Variants in DLG2 observed in about 807,000 individuals in gnomAD.
DLG2 encodes the protein disks large homolog 2.
A neutral mutation model predicts 132.5 loss-of-function variants in DLG2; 45 were observed. The ratio of observed to expected loss-of-function variants is 0.34; its 90% CI spans 0.27 to 0.44. The LOEUF is 0.44. Among genes scored for constraint, DLG2 ranks in the 20% least tolerant of loss-of-function variants. The probability of loss-of-function intolerance (pLI) is 1.00; values close to 1 mark genes in which losing one functional copy is unlikely to be tolerated. For missense variants in DLG2, 1,045 were observed against 1,196.9 expected (o/e 0.87, Z 1.87); for synonymous variants, 424 against 419.6 (o/e 1.01, Z -0.13).
At chr11:84,452,694 C>T (rs543862589) in intron 7 of DLG2, among the ~76,000 whole-genome samples, 46 of 151,612 alleles carry the variant, frequency 3.0e-4, no homozygotes, top group African/African-American at 1.1e-3. Flanking sequence ...ACCTGATAAA[C>T]CAGAAAGGTC....
At chr11:84,576,773 T>G (rs949757569) in intron 6 of DLG2, among the ~76,000 whole-genome samples, 1 of 152,166 alleles carries the variant, frequency 6.6e-6, no homozygotes, top group South Asian at 2.1e-4. Context: ...AAAGAATCTA[T>G]GTGGATTTTT....
intron 15 of DLG2, among the ~76,000 whole-genome samples, chr11:83,900,976 C>T (rs1304631787): frequency 2.6e-5 from 4 of 152,232 alleles, no homozygotes; most frequent in African/African-American, 4.8e-5. Flanking sequence ...GAACCCACCT[C>T]TTGCATCAGC....
At chr11:84,443,783 A>G (rs2099024552) in intron 7 of DLG2, among the ~76,000 whole-genome samples, 1 of 151,698 alleles carries the variant, frequency 6.6e-6, no homozygotes, top group South Asian at 2.1e-4. Context: ...ACTGAACACT[A>G]ATCTTTTATT....
chr11:84,827,967 C>T (rs993994713), intron 6 of DLG2, among the ~76,000 whole-genome samples: 18 of 151,726 alleles, frequency 1.2e-4, no homozygotes, highest in Admixed American at 1.2e-3. Context: ...TATTATGCTT[C>T]ATAATGTAGA....
chr11:84,643,093 A>C (rs1300248063), intron 6 of DLG2, among the ~76,000 whole-genome samples: 1 of 152,122 alleles, frequency 6.6e-6, no homozygotes, highest in Non-Finnish European at 1.5e-5. Flanking sequence ...TTCCATCACT[A>C]TGTAGACACC....
intron 3 of DLG2, among the ~76,000 whole-genome samples, chr11:85,385,396 A>G (rs2086243963): frequency 6.6e-6 from 1 of 152,158 alleles, no homozygotes; most frequent in Non-Finnish European, 1.5e-5. Context: ...TTTTTTTACC[A>G]AGGAGTAGGG....
At chr11:84,862,557 C>T (rs2083881238) in intron 6 of DLG2, among the ~76,000 whole-genome samples, 1 of 152,058 alleles carries the variant, frequency 6.6e-6, no homozygotes, top group Non-Finnish European at 1.5e-5. Flanking sequence ...ATAGCAAAGA[C>T]TTGAAACCAA....
At chr11:83,875,668 A>G (rs1230266475) in intron 15 of DLG2, among the ~76,000 whole-genome samples, 1 of 152,162 alleles carries the variant, frequency 6.6e-6, no homozygotes, top group Non-Finnish European at 1.5e-5. Flanking sequence ...TTTTGGTTGA[A>G]ACACTATTTA....
chr11:84,285,126 A>T (rs1330622408), intron 7 of DLG2, among the ~76,000 whole-genome samples: 1 of 152,164 alleles, frequency 6.6e-6, no homozygotes, highest in Non-Finnish European at 1.5e-5. Context: ...CCTAAATTGA[A>T]TATCCTGTTG....
At chr11:83,590,072 G>A (rs1370322688) in intron 19 of DLG2, among the ~76,000 whole-genome samples, 2 of 114,246 alleles carry the variant, frequency 1.8e-5, no homozygotes, top group African/African-American at 3.6e-5. Flanking sequence ...GTCAACATTA[G>A]ACAGATCAAC....
chr11:84,030,837 G>T (rs916112455), intron 11 of DLG2, among the ~76,000 whole-genome samples: 13 of 152,238 alleles, frequency 8.5e-5, no homozygotes, highest in African/African-American at 2.9e-4. Context: ...CCATGAATTA[G>T]ATATGAGTTG....
chr11:85,211,898 A>G (rs924651733), intron 4 of DLG2, among the ~76,000 whole-genome samples: 14 of 152,100 alleles, frequency 9.2e-5, no homozygotes, highest in Non-Finnish European at 1.8e-4. Flanking sequence ...ATTAACTGCT[A>G]TATCTCCATT....
intron 6 of DLG2, among the ~76,000 whole-genome samples, chr11:85,101,529 G>A (rs1036268502): frequency 5.9e-5 from 9 of 152,058 alleles, no homozygotes; most frequent in African/African-American, 2.2e-4. Flanking sequence ...CCAAACTCCT[G>A]TAAGTTGATG....
intron 6 of DLG2, among the ~76,000 whole-genome samples, chr11:85,059,790 AT>A: frequency 6.6e-6 from 1 of 151,728 alleles, no homozygotes; most frequent in East Asian, 1.9e-4. Flanking sequence ...CACTAGGGAT[AT>A]CGATTTCTCT....
chr11:83,650,340 G>T (rs1036135218), intron 18 of DLG2, among the ~76,000 whole-genome samples: 1 of 152,156 alleles, frequency 6.6e-6, no homozygotes, highest in Admixed American at 6.5e-5. Context: ...GGAGGAAATA[G>T]AAGGTAAGAT....
chr11:85,043,731 A>C (rs1052241451), intron 6 of DLG2, among the ~76,000 whole-genome samples: 2 of 151,974 alleles, frequency 1.3e-5, no homozygotes, highest in African/African-American at 4.8e-5. Flanking sequence ...TAACTTTTAA[A>C]ATCTAACTTT....
rs79580998 is a variant in DLG2, at chr11:85,315,056, G to A, written c.41-29691C>T. Among the ~76,000 whole-genome samples, 1,385 of 152,100 alleles carry A rather than the reference G, an allele frequency of 9.1e-3. 20 individuals carry two copies. Among genetic ancestry groups the A allele is most frequent in the African/African-American group, 0.03 (1,244 of 41,524 alleles). On this transcript the variant is annotated intron_variant, in intron 3 of 27. Transcript: ENST00000376104. ...ATGAGCTATCTAGGCCTGTGCCTCT[G>A]ATCTTTGAGGGTTGTTGGGAGGGAT...
chr11:84,658,346 A>G (rs887740270), intron 6 of DLG2, among the ~76,000 whole-genome samples: 7 of 152,130 alleles, frequency 4.6e-5, no homozygotes, highest in African/African-American at 1.4e-4. Flanking sequence ...TCCCTGCCAA[A>G]TTTCATATGT....
chr11:84,335,784 G>A (rs1004996043), intron 7 of DLG2, among the ~76,000 whole-genome samples: 1 of 152,124 alleles, frequency 6.6e-6, no homozygotes, highest in Non-Finnish European at 1.5e-5. Flanking sequence ...TCTTAGGATA[G>A]TTGTAAGAAT....
Sources: allele counts gnomAD v4.1 joint callset (sites outside exome capture counted in the v4.1 genomes callset), GRCh38; gene constraint gnomAD v4.1.1; transcripts MANE v1.5; gene names NCBI Gene and HGNC (gene_info 2026-07-23, HGNC 2026-07-21).